DOP1B: variants seen among roughly 807,000 people sequenced by gnomAD.
DOP1B encodes protein DOP1B.
DOP1B carries 174 observed loss-of-function variants against 233.5 expected under a neutral mutation model. That is an observed-to-expected ratio of 0.75 (90% confidence interval 0.66 to 0.85). The LOEUF (loss-of-function observed/expected upper bound fraction) is 0.85, where lower values mean the gene tolerates loss of function less well. Ranked by LOEUF, DOP1B falls within the 40% of genes least tolerant of loss-of-function variation. DOP1B has a pLI of 0.00. For synonymous variants in DOP1B, 1,190 were observed against 1,185.6 expected (o/e 1.00, Z -0.08); for missense variants, 2,652 against 2,846.6 (o/e 0.93, Z 1.56).
At position 36,245,380 on chromosome 21, in the gene DOP1B, G is replaced by T. The variant is rs573603717; in HGVS notation, c.3400G>T (p.Asp1134Tyr). ...GTCCTCCTTCTCCTCCCCTTCCCAC[G>T]ACCTGCAGGAGCTGAGCAACGAAGA... ...NTSSFSSPSH[D>Y]LQELSNEENC... The change falls in exon 19 of 37, where the codon GAC becomes TAC. Residue 1134 changes from aspartate to tyrosine, a missense_variant. By Grantham distance (160) the Asp-to-Tyr change is radical. Transcript: ENST00000691173. The surrounding 1 kb of genome is among the most constrained non-coding windows in gnomAD (Gnocchi z 5.5). 4.3e-6 allele frequency: 7 copies of T among 1,614,058 alleles called. No homozygotes were observed. The highest frequency in any genetic ancestry group is 2.2e-5 in the South Asian group (2 of 91,074).
chr21:36,258,628 G>A (rs991929080), intron 23 of DOP1B, among the ~76,000 whole-genome samples: 4 of 152,192 alleles, frequency 2.6e-5, no homozygotes, highest in African/African-American at 9.7e-5. Flanking sequence ...TGGCCGTTGG[G>A]CGTCACCCAG....
At chr21:36,205,689 G>T (rs866989783) in intron 4 of DOP1B, among the ~76,000 whole-genome samples, 2 of 148,656 alleles carry the variant, frequency 1.3e-5, no homozygotes, top group African/African-American at 2.5e-5. Context: ...TGCCTGGCCC[G>T]TTTGTTGGTT....
chr21:36,157,112 C>T (rs1008439019), intron 1 of DOP1B, among the ~76,000 whole-genome samples, 169 bp downstream of exon 1: 2 of 152,064 alleles, frequency 1.3e-5, no homozygotes, highest in Non-Finnish European at 2.9e-5. Context: ...GCGCGCGGCC[C>T]GGGCCTGCGG....
chr21:36,249,987 C>T (rs1344983044), intron 21 of DOP1B, among the ~76,000 whole-genome samples: 1 of 152,138 alleles, frequency 6.6e-6, no homozygotes, highest in Non-Finnish European at 1.5e-5. Flanking sequence ...TTTAGGGGAG[C>T]TTCCTGTAGC....
chr21:36,247,240 A>G (rs76313669), intron 19 of DOP1B, among the ~76,000 whole-genome samples: 1 of 152,302 alleles, frequency 6.6e-6, no homozygotes, highest in African/African-American at 2.4e-5. Context: ...AGGGCATGTC[A>G]GCTACTCTCT....
chr21:36,230,926 A>G lies in DOP1B; in HGVS notation c.2142A>G (p.Ser714=), dbSNP rs774862680. The G allele has an allele frequency of 2.5e-6, 4 of 1,614,138 alleles. No homozygotes were observed. Among genetic ancestry groups the G allele is most frequent in the Admixed American group, 3.3e-5 (2 of 60,014 alleles). ...CATTCAAGACAAAAAGTTCAGAGTC[A>G]CCATCGTCTTCGCCCAGCAGCCCTG... is the stretch of plus-strand genomic sequence containing the variant. ...GSPFKTKSSE[S]PSSSPSSPAR... Residue 714 remains serine, a synonymous_variant, in exon 14 of 37, where the codon TCA becomes TCG. Transcript: ENST00000691173.
intron 2 of DOP1B, chr21:36,169,619 C>T: frequency 1.1e-6 from 1 of 938,060 alleles, no homozygotes; most frequent in Non-Finnish European, 1.8e-6. Flanking sequence ...AGCCATGGTG[C>T]CTCCGTTCAC....
At position 36,169,812 on chromosome 21, in the gene DOP1B, A is replaced by C. The variant is rs116244117; in HGVS notation, c.138+4941A>C. 1,087 of 1,171,864 alleles carry C rather than the reference A, an allele frequency of 9.3e-4. 9 individuals carry two copies. In the African/African-American group the frequency reaches 0.015, roughly 16 times the overall value. 72.6% of individuals were successfully genotyped at this position (1,171,864 alleles called of 1,614,324 possible). A position where few individuals can be genotyped will look rare whatever the true frequency, so the allele number is the denominator to read the frequency against. ...TGGTAAAGGCCTTCTTCCTAGATTT[A>C]TGCCGGTTGTTAGAGAAACACCTTT... On this transcript the variant is annotated intron_variant, in intron 2 of 36. Coordinates refer to ENST00000691173, the MANE Select transcript of DOP1B (RefSeq NM_001320714.2).
At chr21:36,169,510 C>T (rs1467607493) in intron 2 of DOP1B, 3 of 1,121,112 alleles carry the variant, frequency 2.7e-6, no homozygotes, top group Non-Finnish European at 4.0e-6. Context: ...AGCCTTTGCC[C>T]TTGGTCACCC....
intron 2 of DOP1B, among the ~76,000 whole-genome samples, chr21:36,179,348 C>G (rs2066068475): frequency 6.6e-6 from 1 of 152,222 alleles, no homozygotes; most frequent in South Asian, 2.1e-4. Context: ...CCCCCATCCT[C>G]TTCAACACTT....
chr21:36,238,890 G>T (rs144422015), intron 17 of DOP1B, among the ~76,000 whole-genome samples, 189 bp downstream of exon 17: 6,386 of 152,204 alleles, frequency 0.042, 333 homozygotes, highest in East Asian at 0.23. Context: ...ATCACTTGAG[G>T]CCTGGAGTTA....
intron 18 of DOP1B, among the ~76,000 whole-genome samples, chr21:36,240,248 G>C (rs190243671): frequency 2.0e-5 from 3 of 152,252 alleles, no homozygotes; most frequent in East Asian, 3.9e-4. Flanking sequence ...GGGAGGCTGA[G>C]GCAGGTGGAT....
chr21:36,225,686 A>G lies in DOP1B; in HGVS notation c.1473+19A>G, dbSNP rs764452963. 1.2e-6 allele frequency: 2 copies of G among 1,612,508 alleles called. No individual in the cohort carries two copies. The highest frequency in any genetic ancestry group is 1.1e-5 in the South Asian group (1 of 90,990). On this transcript the variant is annotated intron_variant, in intron 12 of 36. Transcript: ENST00000691173. ...TCCTTTGGTGAGTGCTGGGGAAGGG[A>G]CATCTCAACGCCTGCTATTATTTAC...
chr21:36,271,453 G>C (rs2067288734), intron 27 of DOP1B, among the ~76,000 whole-genome samples: 1 of 151,968 alleles, frequency 6.6e-6, no homozygotes, highest in East Asian at 1.9e-4. Flanking sequence ...TTTGTGGTTA[G>C]TAAAGACAGC....
intron 2 of DOP1B, among the ~76,000 whole-genome samples, chr21:36,193,069 G>C (rs2066251341): frequency 6.6e-6 from 1 of 152,146 alleles, no homozygotes; most frequent in Non-Finnish European, 1.5e-5. Flanking sequence ...CTTGGACGAG[G>C]GCACCGGTGT....
At chr21:36,166,773 G>T (rs2065915091) in intron 2 of DOP1B, among the ~76,000 whole-genome samples, 1 of 152,190 alleles carries the variant, frequency 6.6e-6, no homozygotes, top group Admixed American at 6.5e-5. Flanking sequence ...ACTGGGGTGA[G>T]TGAAGAATTT....
chr21:36,238,138 G>A (rs1011751754), intron 16 of DOP1B, among the ~76,000 whole-genome samples: 8 of 152,334 alleles, frequency 5.3e-5, no homozygotes, highest in African/African-American at 1.7e-4. Flanking sequence ...CTGCACTCTG[G>A]TTTGGGTGAC....
chr21:36,205,013 CT>C (rs941237026), intron 4 of DOP1B, among the ~76,000 whole-genome samples: 58 of 151,398 alleles, frequency 3.8e-4, no homozygotes, highest in Admixed American at 1.1e-3. Flanking sequence ...TGGTTCGAGG[CT>C]TTTTTTTTGC....
intron 27 of DOP1B, among the ~76,000 whole-genome samples, chr21:36,273,356 G>A (rs890114367): frequency 2.0e-5 from 3 of 151,692 alleles, no homozygotes; most frequent in East Asian, 3.9e-4. Context: ...GCAGTGCGCC[G>A]AGATCGTGCC....
Sources: allele counts gnomAD v4.1 joint callset (sites outside exome capture counted in the v4.1 genomes callset), GRCh38; gene constraint gnomAD v4.1.1; non-coding constraint Gnocchi (gnomAD v3.1); transcripts MANE v1.5; gene names NCBI Gene and HGNC (gene_info 2026-07-23, HGNC 2026-07-21).